TMEM192: variants seen among roughly 807,000 people sequenced by gnomAD.
The protein encoded by TMEM192 is transmembrane protein 192.
Under a neutral mutation model 26.7 loss-of-function variants are expected in TMEM192, and 20 were observed. That is an observed-to-expected ratio of 0.75 (90% confidence interval 0.53 to 1.09). The LOEUF is 1.09. TMEM192 is among the 50% of genes least tolerant of loss of function. The pLI, the probability that TMEM192 is intolerant of heterozygous loss-of-function variation, is 0.00. For missense variants in TMEM192, 304 were observed against 322.6 expected (o/e 0.94, Z 0.44); for synonymous variants, 124 against 121.0 (o/e 1.02, Z -0.16).
At chr4:165,093,567 T>C (rs1402651314) in intron 3 of TMEM192, among the ~76,000 whole-genome samples, 23 of 152,206 alleles carry the variant, frequency 1.5e-4, no homozygotes, top group Admixed American at 1.5e-3. Context: ...TATAATGGTA[T>C]GTGCTGTGGA....
rs34633084 is a variant in TMEM192, at chr4:165,072,154, C to T, written c.*7504G>A. 0.31 allele frequency: 47,399 copies of T among 151,660 alleles called. 7,957 individuals carry two copies. Among genetic ancestry groups the T allele is most frequent in the Admixed American group, 0.42 (6,378 of 15,178 alleles). The allele number at this position is 151,660 out of a possible 1,614,324, so 9.4% of individuals were successfully genotyped here. A position where few individuals can be genotyped will look rare whatever the true frequency, so the allele number is the denominator to read the frequency against. ...AGGAGAATTGCTTGAACCTGGGCAG[C>T]GGAGGTTGTAGTGAGCCGAGACTGC... On this transcript the variant is annotated 3_prime_UTR_variant, in exon 6 of 6. Coordinates refer to ENST00000306480, the MANE Select transcript of TMEM192 (RefSeq NM_001100389.2).
At chr4:165,091,095 C>T (rs1421163787) in intron 3 of TMEM192, among the ~76,000 whole-genome samples, 1 of 151,472 alleles carries the variant, frequency 6.6e-6, no homozygotes, top group African/African-American at 2.4e-5. Context: ...GAAACCCCGT[C>T]CCTACTAAAA....
chr4:165,072,867 A>C lies in TMEM192; in HGVS notation c.*6791T>G, dbSNP rs1283177207. 2 of 152,232 alleles carry C rather than the reference A, an allele frequency of 1.3e-5. No homozygotes were observed. Among genetic ancestry groups the C allele is most frequent in the African/African-American group, 4.8e-5 (2 of 41,414 alleles). 9.4% of individuals were successfully genotyped at this position (152,232 alleles called of 1,614,324 possible). On this transcript the variant is annotated 3_prime_UTR_variant, in exon 6 of 6. Coordinates refer to ENST00000306480, the MANE Select transcript of TMEM192 (RefSeq NM_001100389.2). ...AGTTGGACACATAAGTCTGGAGTTCAGGGAGGAAGGCCTGGCTGAAGATTC... is the reference window on the plus strand; with the variant it reads ...AGTTGGACACATAAGTCTGGAGTTCCGGGAGGAAGGCCTGGCTGAAGATTC...
intron 3 of TMEM192, among the ~76,000 whole-genome samples, chr4:165,092,109 G>GTTTT (rs1395846037): frequency 5.4e-5 from 4 of 73,418 alleles, no homozygotes; most frequent in Admixed American, 1.6e-4. Context: ...TCTTAATGCT[G>GTTTT]TTCTTTTTTT....
intron 3 of TMEM192, 29 bp from the exon 4 acceptor site, chr4:165,088,631 T>C (rs769996336): frequency 5.0e-6 from 8 of 1,596,492 alleles, no homozygotes; most frequent in Non-Finnish European, 6.0e-6. Flanking sequence ...AAACACAGCA[T>C]GTGATGAGAA....
rs1387843481 is a variant in TMEM192 at position 165,075,563 on chromosome 4, A to C, written c.*4095T>G. The C allele has an allele frequency of 5.4e-5, 8 of 147,214 alleles. No individual in the cohort carries two copies. Among genetic ancestry groups the C allele is most frequent in the Non-Finnish European group, 1.0e-4 (7 of 67,078 alleles). The allele number at this position is 147,214 out of a possible 1,614,324, so 9.1% of individuals were successfully genotyped here. A position where few individuals can be genotyped will look rare whatever the true frequency, so the allele number is the denominator to read the frequency against. ...GCCACCGTGCCCAGCCGAAATACAA[A>C]ATTTTTAGTATTTTTTTTTTTTTTT... is the stretch of plus-strand genomic sequence containing the variant. On this transcript the variant is annotated 3_prime_UTR_variant, in exon 6 of 6. Coordinates refer to ENST00000306480, the MANE Select transcript of TMEM192 (RefSeq NM_001100389.2).
chr4:165,112,856 C>T lies in TMEM192; in HGVS notation c.-83G>A. The T allele has an allele frequency of 2.6e-6, 4 of 1,536,318 alleles. No homozygotes were observed. The highest frequency in any genetic ancestry group is 3.5e-6 in the Non-Finnish European group (4 of 1,143,718). On this transcript the variant is annotated 5_prime_UTR_variant, in exon 1 of 6. Transcript: ENST00000306480. ...AGCCTCTGGCCGCGAAACTCGCCAC[C>T]TTCTGGGACCTGCCAGGCCCCTCCC...
chr4:165,112,826 C>A lies in TMEM192; in HGVS notation c.-53G>T. On this transcript the variant is annotated 5_prime_UTR_variant, in exon 1 of 6. The change creates a new upstream start codon in the 5' untranslated region. Transcript: ENST00000306480. ...GCCAGCCCGGCCTCTCCACCTGGACCTGTAAGCCTCTGGCCGCGAAACTCG... is the reference window on the plus strand; with the variant it reads ...GCCAGCCCGGCCTCTCCACCTGGACATGTAAGCCTCTGGCCGCGAAACTCG... 28 of 1,587,522 alleles carry A rather than the reference C, an allele frequency of 1.8e-5. No homozygotes were observed. The South Asian group carries it at 3.1e-4, about 18-fold the overall frequency.
chr4:165,094,974 CAAA>C (rs11289599), intron 3 of TMEM192, among the ~76,000 whole-genome samples: 3 of 137,536 alleles, frequency 2.2e-5, no homozygotes, highest in Non-Finnish European at 3.1e-5. Flanking sequence ...AACTCAGTCT[CAAA>C]AAAAAAAAAA....
In TMEM192 at chr4:165,092,382, A is replaced by G. The variant is rs565565733; in HGVS notation, c.440-3780T>C. 1.8e-4 allele frequency among the ~76,000 whole-genome samples: 27 copies of G among 152,250 alleles called. No individual in the cohort carries two copies. In the South Asian group the frequency reaches 5.0e-3, roughly 28 times the overall value. On this transcript the variant is annotated intron_variant, in intron 3 of 5. Coordinates refer to ENST00000306480, the MANE Select transcript of TMEM192 (RefSeq NM_001100389.2). The stretch of plus-strand genomic sequence containing the variant: ...AGTGATCCGCGAGCCTCGGCCTCCC[A>G]AAGTGCTGGGATTACAGGCGTAAGC...
intron 3 of TMEM192, among the ~76,000 whole-genome samples, chr4:165,099,151 C>A (rs1734982468): frequency 7.2e-6 from 1 of 139,340 alleles, no homozygotes; most frequent in Non-Finnish European, 1.5e-5. Context: ...GTCACCCAGG[C>A]TGGAGTCTGG....
In TMEM192 at chr4:165,079,573, A is replaced by G; in HGVS notation, c.*85T>C. On this transcript the variant is annotated 3_prime_UTR_variant, in exon 6 of 6. Coordinates refer to ENST00000306480, the MANE Select transcript of TMEM192 (RefSeq NM_001100389.2). Reference sequence around the variant, plus strand: ...TAAAATGCTATTCAGCAAAAGCTGCAGTTCCCCGTGGCAGCTTGTCAGGTG... The same window carrying G: ...TAAAATGCTATTCAGCAAAAGCTGCGGTTCCCCGTGGCAGCTTGTCAGGTG... 1 of 1,436,036 alleles carries G rather than the reference A, an allele frequency of 7.0e-7. No homozygotes were observed. Among genetic ancestry groups the G allele is most frequent in the Non-Finnish European group, 9.4e-7 (1 of 1,067,466 alleles). The allele number at this position is 1,436,036 out of a possible 1,614,324, so 89.0% of individuals were successfully genotyped here.
At chr4:165,108,953 T>C (rs1735233190) in intron 1 of TMEM192, among the ~76,000 whole-genome samples, 5 of 152,218 alleles carry the variant, frequency 3.3e-5, no homozygotes, top group Admixed American at 3.3e-4. Flanking sequence ...GCCGGAGCAG[T>C]GATAGGGTTC....
At chr4:165,107,076 G>A (rs536691377) in intron 1 of TMEM192, among the ~76,000 whole-genome samples, 1 of 151,318 alleles carries the variant, frequency 6.6e-6, no homozygotes, top group South Asian at 2.1e-4. Context: ...CCAGGCTGGA[G>A]TGCAATGGCA....
intron 3 of TMEM192, among the ~76,000 whole-genome samples, chr4:165,090,240 C>T (rs1477615055): frequency 8.3e-6 from 1 of 119,896 alleles, no homozygotes; most frequent in Non-Finnish European, 1.8e-5. Flanking sequence ...AAAAAAAATG[C>T]ATGGTGGCAG....
intron 4 of TMEM192, 148 bp downstream of exon 4, chr4:165,088,320 C>A: frequency 1.6e-6 from 1 of 632,508 alleles, no homozygotes; most frequent in Non-Finnish European, 2.5e-6. Flanking sequence ...GCTGTACCTT[C>A]CTGTTGGTTT....
chr4:165,104,269 A>G (rs2110792315), intron 1 of TMEM192, among the ~76,000 whole-genome samples: 1 of 152,340 alleles, frequency 6.6e-6, no homozygotes, highest in South Asian at 2.1e-4. Context: ...AGCATAGAAG[A>G]CAATGCCAAA....
intron 3 of TMEM192, among the ~76,000 whole-genome samples, chr4:165,089,937 C>A (rs1484547920): frequency 1.3e-5 from 2 of 152,026 alleles, no homozygotes; most frequent in South Asian, 4.2e-4. Flanking sequence ...TTAGGCCAGG[C>A]GCGGTGGCTC....
intron 3 of TMEM192, among the ~76,000 whole-genome samples, chr4:165,094,482 A>AC (rs1479587135): frequency 2.0e-5 from 3 of 151,548 alleles, no homozygotes; most frequent in Non-Finnish European, 4.4e-5. Context: ...ACAGGGAGAA[A>AC]CCCCATCTCT....
Sources: allele counts gnomAD v4.1 joint callset (sites outside exome capture counted in the v4.1 genomes callset), GRCh38; gene constraint gnomAD v4.1.1; transcripts MANE v1.5; gene names NCBI Gene and HGNC (gene_info 2026-07-23, HGNC 2026-07-21).